The following CELSR1 variants were observed in gnomAD, a reference collection of about 807,000 sequenced individuals.
CELSR1 encodes adhesion G protein-coupled receptor C1.
In CELSR1, 110 loss-of-function variants were observed where a neutral mutation model predicts 249.1. The observed-to-expected ratio is 0.44, with a 90% confidence interval of 0.38 to 0.52. The LOEUF is 0.52. CELSR1 is among the 20% of genes least tolerant of loss of function. The pLI is 0.00. For missense variants in CELSR1, 4,109 were observed against 4,296.4 expected, an observed-to-expected ratio of 0.96 and a Z score of 1.22; for synonymous variants, 2,113 against 1,900.0, an observed-to-expected ratio of 1.11 and a Z score of -2.92.
rs369257132 is a variant in CELSR1, at chr22:46,362,816, G to A, written c.*407C>T. ...GGGTCCGCACTGCCATGAGATGCCC[G>A]CCTGGGCGGGGCTGGACCGCGGTCT... On this transcript the variant is annotated 3_prime_UTR_variant, in exon 35 of 35. Coordinates refer to ENST00000674500, the MANE Select transcript of CELSR1 (RefSeq NM_001378328.1). 15 of 288,474 alleles carry A rather than the reference G, an allele frequency of 5.2e-5. No homozygotes were observed. Among genetic ancestry groups the A allele is most frequent in the African/African-American group, 1.9e-4 (9 of 46,730 alleles). 17.9% of individuals were successfully genotyped at this position (288,474 alleles called of 1,614,324 possible).
At position 46,411,456 on chromosome 22, in the gene CELSR1, G is replaced by T; in HGVS notation, c.4769+146C>A. 1 of 900,338 alleles carries T rather than the reference G, an allele frequency of 1.1e-6. No homozygotes were observed. Among genetic ancestry groups the T allele is most frequent in the Non-Finnish European group, 1.7e-6 (1 of 605,680 alleles). 55.8% of individuals were successfully genotyped at this position (900,338 alleles called of 1,614,324 possible). On this transcript the variant is annotated intron_variant, in intron 6 of 34. Transcript: ENST00000674500. The surrounding 1 kb of genome is among the most constrained non-coding windows in gnomAD (Gnocchi z 4.2). The stretch of plus-strand genomic sequence containing the variant: ...GTCAGAGGGAAGGTGCCCCAACCAT[G>T]GACAGGATGTCTGACTCTAGCCTGG...
intron 1 of CELSR1, among the ~76,000 whole-genome samples, chr22:46,491,912 T>C (rs1022009395): frequency 3.9e-5 from 6 of 152,184 alleles, no homozygotes; most frequent in African/African-American, 1.2e-4. Context: ...GCTGGGATTA[T>C]AGGCATGAGC....
chr22:46,415,885 T>C (rs2079394006), intron 5 of CELSR1, among the ~76,000 whole-genome samples: 1 of 152,208 alleles, frequency 6.6e-6, no homozygotes, highest in African/African-American at 2.4e-5. Flanking sequence ...AGCAGATGTG[T>C]GTGATCTGGG....
intron 1 of CELSR1, among the ~76,000 whole-genome samples, chr22:46,510,702 T>A (rs1356010780): frequency 6.6e-6 from 1 of 152,220 alleles, no homozygotes; most frequent in Non-Finnish European, 1.5e-5. Flanking sequence ...TTTATGCCTT[T>A]TGGTACAGCC....
chr22:46,506,050 G>T lies in CELSR1; in HGVS notation c.3544+27577C>A, dbSNP rs1400097716. ...AAAAATTAGCAGGGCATGGTGGCAG[G>T]CACCTGTAATCCCAGCTACTCGGGA... On this transcript the variant is annotated intron_variant, in intron 1 of 34. Coordinates refer to ENST00000674500, the MANE Select transcript of CELSR1 (RefSeq NM_001378328.1). This position sits in a 1 kb window ranked among gnomAD's most constrained non-coding sequence, Gnocchi z 4.1. Among the ~76,000 whole-genome samples the T allele has an allele frequency of 6.6e-6, 1 of 151,816 alleles. No homozygotes were observed. The highest frequency in any genetic ancestry group is 2.4e-5 in the African/African-American group (1 of 41,278).
intron 25 of CELSR1, among the ~76,000 whole-genome samples, chr22:46,371,658 T>C (rs563715640): frequency 6.7e-6 from 1 of 148,202 alleles, no homozygotes; most frequent in East Asian, 2.1e-4. Flanking sequence ...CACCCACTCA[T>C]CTCTCCATCC....
rs897703166 is a variant in CELSR1, at chr22:46,362,106, C to T, written c.*1117G>A. 4.3e-4 allele frequency: 65 copies of T among 152,386 alleles called. 1 individual carries two copies. Among genetic ancestry groups the T allele is most frequent in the African/African-American group, 1.3e-3 (55 of 41,592 alleles). The allele number at this position is 152,386 out of a possible 1,614,324, so 9.4% of individuals were successfully genotyped here. The stretch of plus-strand genomic sequence containing the variant: ...TAGAGAATTGGCAGGAGGTATGTAA[C>T]GGCCTGGAAGGCCCCACACCTCTGT... On this transcript the variant is annotated 3_prime_UTR_variant, in exon 35 of 35. Coordinates refer to ENST00000674500, the MANE Select transcript of CELSR1 (RefSeq NM_001378328.1).
At position 46,494,359 on chromosome 22, in the gene CELSR1, C is replaced by T. The variant is rs117384475; in HGVS notation, c.3545-30014G>A. ...TTAGAATCAGATTGTCAATTTTTTT[C>T]AACTTCCTCTAAATTATTCTGTACC... On this transcript the variant is annotated intron_variant, in intron 1 of 34. Coordinates refer to ENST00000674500, the MANE Select transcript of CELSR1 (RefSeq NM_001378328.1). Among the ~76,000 whole-genome samples the T allele has an allele frequency of 1.3e-4, 20 of 152,252 alleles. 1 individual carries two copies. The East Asian group carries it at 3.9e-3, about 29-fold the overall frequency.
chr22:46,370,990 C>T (rs1371870311), intron 25 of CELSR1, among the ~76,000 whole-genome samples: 3 of 152,232 alleles, frequency 2.0e-5, no homozygotes, highest in Non-Finnish European at 2.9e-5. Flanking sequence ...GCCTGGACAT[C>T]GAGGTGGCTT....
intron 1 of CELSR1, among the ~76,000 whole-genome samples, chr22:46,502,392 A>C (rs2080474998): frequency 7.6e-6 from 1 of 130,934 alleles, no homozygotes; most frequent in Admixed American, 7.8e-5. Context: ...AGGGAAGGGT[A>C]AAGTGGAAAG....
At chr22:46,392,865 T>C (rs932484280) in intron 14 of CELSR1, among the ~76,000 whole-genome samples, 1 of 152,064 alleles carries the variant, frequency 6.6e-6, no homozygotes, top group African/African-American at 2.4e-5. Context: ...TGCCTATAAC[T>C]TTGGATGAGA....
Position 46,429,044 on chromosome 22 carries a change from G to T in CELSR1, c.4611+4349C>A, listed in dbSNP as rs187744035. Among the ~76,000 whole-genome samples, 42 of 152,238 alleles carry T rather than the reference G, an allele frequency of 2.8e-4. No individual in the cohort carries two copies. The highest frequency in any genetic ancestry group is 1.6e-3 in the Admixed American group (25 of 15,298). On this transcript the variant is annotated intron_variant, in intron 5 of 34. Transcript: ENST00000674500. The surrounding 1 kb of genome is among the most constrained non-coding windows in gnomAD (Gnocchi z 4.1). ...CCAGGAGCTCCTGGAACAAGGTGGGGTCTAAACGTGATCCCCGCAGGCAGC... is the reference window on the plus strand; with the variant it reads ...CCAGGAGCTCCTGGAACAAGGTGGGTTCTAAACGTGATCCCCGCAGGCAGC...
rs148248242 is a variant in CELSR1, at chr22:46,416,100, T to TTCGCGGG, written c.4612-4342_4612-4341insCCCGCGA. 4.6e-5 allele frequency among the ~76,000 whole-genome samples: 6 copies of TTCGCGGG among 129,554 alleles called. 1 individual carries two copies. The highest frequency in any genetic ancestry group is 1.2e-4 in the African/African-American group (4 of 33,020). The allele number at this position is 129,554 out of a possible 152,430, so 85.0% of individuals were successfully genotyped here. A position where few individuals can be genotyped will look rare whatever the true frequency, so the allele number is the denominator to read the frequency against. ...ACAGCTGACGATGAATGGTACAGGTTGCAGAGGGGGGCGGATAAGGAATGA... is the reference window on the plus strand; with the variant it reads ...ACAGCTGACGATGAATGGTACAGGTTTCGCGGGGCAGAGGGGGGCGGATAAGGAATGA... On this transcript the variant is annotated intron_variant, in intron 5 of 34. Transcript: ENST00000674500.
At chr22:46,419,897 TC>T (rs2079446087) in intron 5 of CELSR1, among the ~76,000 whole-genome samples, 1 of 150,186 alleles carries the variant, frequency 6.7e-6, no homozygotes, top group Non-Finnish European at 1.5e-5. Flanking sequence ...CTTCTCACAT[TC>T]ATGTGCATTT....
chr22:46,374,799 T>C lies in CELSR1; in HGVS notation c.7585-1742A>G, dbSNP rs1306473728. On this transcript the variant is annotated intron_variant, in intron 24 of 34. Transcript: ENST00000674500. The surrounding 1 kb of genome is among the most constrained non-coding windows in gnomAD (Gnocchi z 4.3). ...CAATGCGCGGATGAGAACGTGCCCA[T>C]TGCGGGGATGCGCCCGGCTGCGGAT... Among the ~76,000 whole-genome samples, 2 of 152,146 alleles carry C rather than the reference T, an allele frequency of 1.3e-5. No homozygotes were observed. Among genetic ancestry groups the C allele is most frequent in the African/African-American group, 2.4e-5 (1 of 41,402 alleles).
intron 5 of CELSR1, among the ~76,000 whole-genome samples, chr22:46,426,138 C>CGCAGCCGGGGAGGGT (rs1315033939): frequency 6.6e-6 from 1 of 152,046 alleles, no homozygotes; most frequent in Non-Finnish European, 1.5e-5. Context: ...CTGGGGAGGG[C>CGCAGCCGGGGAGGGT]GCAGCCGGGG....
At chr22:46,530,796 T>C (rs5768911) in intron 1 of CELSR1, among the ~76,000 whole-genome samples, 54,261 of 151,808 alleles carry the variant, frequency 0.36, 9,965 homozygotes, top group Non-Finnish European at 0.41. Flanking sequence ...TCCCAGGCCC[T>C]GCCCTCCGAT....
At chr22:46,366,595 T>A in intron 29 of CELSR1, 115 bp from the exon 30 acceptor site, 1 of 832,676 alleles carries the variant, frequency 1.2e-6, no homozygotes, top group Non-Finnish European at 2.0e-6. Context: ...GCTGGGCCCC[T>A]GCCTGGCACA....
chr22:46,426,150 G>T (rs181181562), intron 5 of CELSR1, among the ~76,000 whole-genome samples: 2 of 152,148 alleles, frequency 1.3e-5, no homozygotes, highest in Non-Finnish European at 1.5e-5. Flanking sequence ...CAGCCGGGGA[G>T]GGGGCTGAGT....
Sources: allele counts gnomAD v4.1 joint callset (sites outside exome capture counted in the v4.1 genomes callset), GRCh38; gene constraint gnomAD v4.1.1; non-coding constraint Gnocchi (gnomAD v3.1); transcripts MANE v1.5; gene names NCBI Gene and HGNC (gene_info 2026-07-23, HGNC 2026-07-21).